CACNA1S: variants seen among roughly 807,000 people sequenced by gnomAD.
CACNA1S encodes the protein voltage-dependent L-type calcium channel subunit alpha-1S.
Under a neutral mutation model 207.4 loss-of-function variants are expected in CACNA1S, and 126 were observed. The ratio of observed to expected loss-of-function variants is 0.61; its 90% confidence interval spans 0.53 to 0.70. CACNA1S has a LOEUF of 0.70. CACNA1S is among the 30% of genes least tolerant of loss of function. The pLI is 0.00. For synonymous variants in CACNA1S, 960 were observed against 932.7 expected, an observed-to-expected ratio of 1.03 and a Z score of -0.53; for missense variants, 2,349 against 2,422.8, an observed-to-expected ratio of 0.97 and a Z score of 0.64.
At chr1:201,050,848 A>G in intron 33 of CACNA1S, 136 bp downstream of exon 33, 1 of 960,654 alleles carries the variant, frequency 1.0e-6, no homozygotes, top group Non-Finnish European at 1.7e-6. Flanking sequence ...ATGGGGGACA[A>G]CCTAACTAGA....
chr1:201,054,741 G>C (rs1660777954), intron 28 of CACNA1S, among the ~76,000 whole-genome samples, 180 bp from the exon 29 acceptor site: 1 of 152,114 alleles, frequency 6.6e-6, no homozygotes, highest in Non-Finnish European at 1.5e-5. Flanking sequence ...GTGGGAGTGA[G>C]GACTGAAGCT....
At chr1:201,076,880 C>G in intron 12 of CACNA1S, 40 bp downstream of exon 12, 1 of 1,570,796 alleles carries the variant, frequency 6.4e-7, no homozygotes, top group Non-Finnish European at 8.8e-7. Context: ...CAGGATTCAG[C>G]AACCGTTCAG....
At chr1:201,094,168 C>T (rs986068437) in intron 2 of CACNA1S, 147 bp from the exon 3 acceptor site, 1 of 827,402 alleles carries the variant, frequency 1.2e-6, no homozygotes, top group South Asian at 1.4e-5. Flanking sequence ...TGCCTACCCC[C>T]CCACTCCACA....
chr1:201,061,143 T>C (rs1405676068), intron 25 of CACNA1S, 124 bp downstream of exon 25: 2 of 834,882 alleles, frequency 2.4e-6, no homozygotes, highest in Admixed American at 4.1e-5. Flanking sequence ...AGGCTAGGGC[T>C]TGGCATCAAA....
rs750207242 is a variant in CACNA1S at position 201,087,919 on chromosome 1, G to A, written c.911C>T (p.Ala304Val). The stretch of plus-strand genomic sequence containing the variant: ...GATCCAGGGCCACTCATTCCCGATG[G>A]CATCATTGACCTGGTCAGGACAGAA... Reference protein sequence around the residue: ...WTDVLYWVNDAIGNEWPWIYF... With the variant: ...WTDVLYWVNDVIGNEWPWIYF... Residue 304 changes from alanine (A) to valine (V), a missense_variant, in exon 7 of 44, where the codon GCC becomes GTC. Physicochemically the swap from Ala to Val is moderately conservative, Grantham distance 64. Transcript: ENST00000362061. The A allele has an allele frequency of 2.5e-6, 4 of 1,610,856 alleles. No individual in the cohort carries two copies. Among genetic ancestry groups the A allele is most frequent in the South Asian group, 1.1e-5 (1 of 90,846 alleles).
chr1:201,061,408 A>G lies in CACNA1S; in HGVS notation c.3114T>C (p.Arg1038=). ...AEDVGPIYNN[R]VEMAIFFIIY... Reference sequence around the variant, plus strand: ...TGATGAAGAAGATGGCCATCTCCACACGGTTGTTGTAGATGGGACCCACGT... The same window carrying G: ...TGATGAAGAAGATGGCCATCTCCACGCGGTTGTTGTAGATGGGACCCACGT... The change falls in exon 25 of 44, where the codon CGT becomes CGC. Residue 1038 remains arginine, a synonymous_variant. Transcript: ENST00000362061. 6.2e-7 allele frequency: 1 copy of G among 1,614,034 alleles called. No homozygotes were observed. Among genetic ancestry groups the G allele is most frequent in the Non-Finnish European group, 8.5e-7 (1 of 1,179,908 alleles).
In CACNA1S at chr1:201,044,459, G is replaced by A. The variant is rs1660406659; in HGVS notation, c.4669-3C>T. 1 of 1,611,868 alleles carries A rather than the reference G, an allele frequency of 6.2e-7. No homozygotes were observed. The highest frequency in any genetic ancestry group is 8.5e-7 in the Non-Finnish European group (1 of 1,179,660). On this transcript the variant is annotated splice_polypyrimidine_tract_variant and splice_region_variant and intron_variant, in intron 38 of 43. Transcript: ENST00000362061. ...TCCTCAATGGTCCGCAGCCCTGCCT[G>A]GGGATGACGAAGGGACTCAGTTATC...
chr1:201,045,566 C>A (rs552512880), intron 38 of CACNA1S, among the ~76,000 whole-genome samples: 1 of 151,882 alleles, frequency 6.6e-6, no homozygotes, highest in Non-Finnish European at 1.5e-5. Context: ...GAAACCCCAT[C>A]TCTACTAAAA....
chr1:201,083,255 A>T lies in CACNA1S; in HGVS notation c.1300T>A (p.Phe434Ile). The change falls in exon 10 of 44, where the codon TTC (phenylalanine) becomes ATC (isoleucine). Residue 434 changes from phenylalanine to isoleucine, a missense_variant. By Grantham distance (21) the Phe-to-Ile change is conservative (BLOSUM62 0). Transcript: ENST00000362061. ...ACGATGAGAATCACCAGCCAATAGAAGACCTTGGACTTCACGATGTCATGG... is the reference window on the plus strand; with the variant it reads ...ACGATGAGAATCACCAGCCAATAGATGACCTTGGACTTCACGATGTCATGG... Reference protein sequence around the residue: ...KCHDIVKSKVFYWLVILIVAL... With the variant: ...KCHDIVKSKVIYWLVILIVAL... The T allele has an allele frequency of 1.2e-6, 2 of 1,614,242 alleles. No homozygotes were observed. The highest frequency in any genetic ancestry group is 1.7e-6 in the Non-Finnish European group (2 of 1,180,036).
intron 16 of CACNA1S, among the ~76,000 whole-genome samples, chr1:201,072,380 AT>A (rs1434124765): frequency 2.0e-5 from 3 of 152,128 alleles, no homozygotes; most frequent in African/African-American, 7.2e-5. Context: ...AATCTGCCTC[AT>A]CACGACATAT....
At chr1:201,071,720 C>T (rs530425993) in intron 16 of CACNA1S, among the ~76,000 whole-genome samples, 1 of 152,148 alleles carries the variant, frequency 6.6e-6, no homozygotes, top group Non-Finnish European at 1.5e-5. Context: ...AAGTCACTGC[C>T]ATCTAAGAGG....
chr1:201,062,220 C>A (rs932475888), intron 23 of CACNA1S, 130 bp from the exon 24 acceptor site: 3 of 1,217,556 alleles, frequency 2.5e-6, no homozygotes, highest in Non-Finnish European at 3.5e-6. Flanking sequence ...AAGGGGACAC[C>A]GCTGGGCGAG....
Position 201,089,337 on chromosome 1 carries a change from T to C in CACNA1S, c.821A>G (p.His274Arg), listed in dbSNP as rs1232946409. The change falls in exon 6 of 44, where the codon CAC becomes CGC. Residue 274 changes from histidine to arginine, a missense_variant. Physicochemically the swap from His to Arg is conservative, Grantham distance 29. Coordinates refer to ENST00000362061, the MANE Select transcript of CACNA1S (RefSeq NM_000069.3). ...GWPGPNHGIT[H>R]FDNFGFSMLT... ...CATGGAGAAGCCGAAGTTGTCGAAG[T>C]GGGTGATGCCATGGTTGGGCCCTGG... 2 of 1,614,142 alleles carry C rather than the reference T, an allele frequency of 1.2e-6. No individual in the cohort carries two copies. Among genetic ancestry groups the C allele is most frequent in the East Asian group, 2.2e-5 (1 of 44,902 alleles).
intron 37 of CACNA1S, 136 bp from the exon 38 acceptor site, chr1:201,047,375 C>A: frequency 7.4e-7 from 1 of 1,347,960 alleles, no homozygotes; most frequent in East Asian, 2.4e-5. Flanking sequence ...TGGGCACTTT[C>A]CATCCTGAGG....
rs781497078 is a variant in CACNA1S at position 201,083,266 on chromosome 1, T to C, written c.1289A>G (p.Lys430Arg). The change falls in exon 10 of 44, where the codon AAG becomes AGG. Residue 430 changes from lysine (K) to arginine (R), a missense_variant. Coordinates refer to ENST00000362061, the MANE Select transcript of CACNA1S (RefSeq NM_000069.3). ...CACCAGCCAATAGAAGACCTTGGAC[T>C]TCACGATGTCATGGCACTTCCAGCG... ...IFRWKCHDIV[K>R]SKVFYWLVIL... The C allele has an allele frequency of 6.2e-7, 1 of 1,614,220 alleles. No homozygotes were observed. Among genetic ancestry groups the C allele is most frequent in the Non-Finnish European group, 8.5e-7 (1 of 1,180,028 alleles).
At chr1:201,084,917 T>TG (rs1163893606) in intron 9 of CACNA1S, 33 bp downstream of exon 9, 2 of 1,468,426 alleles carry the variant, frequency 1.4e-6, no homozygotes, top group Admixed American at 1.7e-5. Context: ...AGCTGGGGGT[T>TG]GGGGGTTCCT....
chr1:201,105,545 G>A (rs543103817), intron 2 of CACNA1S, among the ~76,000 whole-genome samples: 1 of 152,268 alleles, frequency 6.6e-6, no homozygotes, highest in Non-Finnish European at 1.5e-5. Flanking sequence ...GCCATAATGG[G>A]CTGATTTCAG....
chr1:201,074,732 CCCA>C, intron 13 of CACNA1S, 112 bp from the exon 14 acceptor site: 2 of 740,340 alleles, frequency 2.7e-6, no homozygotes, highest in Non-Finnish European at 4.9e-6. Context: ...CCCAGAGCTA[CCCA>C]TGGGAAGGTG....
intron 7 of CACNA1S, among the ~76,000 whole-genome samples, chr1:201,086,232 G>A (rs1206351030): frequency 2.0e-5 from 3 of 152,228 alleles, no homozygotes; most frequent in African/African-American, 7.2e-5. Context: ...GTCAGGTGGG[G>A]TCCAGGGAGG....
Sources: allele counts gnomAD v4.1 joint callset (sites outside exome capture counted in the v4.1 genomes callset), GRCh38; gene constraint gnomAD v4.1.1; transcripts MANE v1.5; gene names NCBI Gene and HGNC (gene_info 2026-07-23, HGNC 2026-07-21).